Variants in GRIP2 observed in about 807,000 individuals in gnomAD.
The protein encoded by GRIP2 is glutamate receptor-interacting protein 2.
Under a neutral mutation model 108.3 loss-of-function variants are expected in GRIP2, and 58 were observed. The observed-to-expected ratio is 0.54, with a 90% confidence interval of 0.43 to 0.67. GRIP2 has a LOEUF of 0.67. GRIP2 is among the 30% of genes least tolerant of loss of function. The probability of loss-of-function intolerance (pLI) is 0.00; values close to 1 mark genes in which losing one functional copy is unlikely to be tolerated. For synonymous variants in GRIP2, 586 were observed against 598.2 expected (o/e 0.98, Z 0.30); for missense variants, 1,278 against 1,430.6 (o/e 0.89, Z 1.72).
Position 14,522,638 on chromosome 3 carries a change from G to A in GRIP2, c.566+362C>T, listed in dbSNP as rs550460762. On this transcript the variant is annotated intron_variant, in intron 6 of 23. Transcript: ENST00000621039. The surrounding 1 kb of genome is among the most constrained non-coding windows in gnomAD (Gnocchi z 4.3). ...GGACCCAGGAGACTGAGTCACAGAC[G>A]GCTACAGCAGTGGCCAATCAGCGTG... 3.7e-5 allele frequency: 8 copies of A among 218,020 alleles called. No individual in the cohort carries two copies. The highest frequency in any genetic ancestry group is 1.4e-4 in the East Asian group (1 of 7,016). The allele number at this position is 218,020 out of a possible 1,614,324, so 13.5% of individuals were successfully genotyped here.
Position 14,554,841 on chromosome 3 carries a change from AG to A in GRIP2, c.55+1058del, listed in dbSNP as rs576291277. On this transcript the variant is annotated intron_variant, in intron 1 of 23. Transcript: ENST00000637182. ...GCACAATCAGAATGAGGATGGGACC[AG>A]CCTTGCAGGGCCACTGTGAGGAATG... 5.9e-5 allele frequency among the ~76,000 whole-genome samples: 9 copies of A among 152,318 alleles called. No individual in the cohort carries two copies. In the East Asian group the frequency reaches 1.7e-3, roughly 29 times the overall value.
chr3:14,521,846 T>C lies in GRIP2; in HGVS notation c.567-59A>G. On this transcript the variant is annotated intron_variant, in intron 6 of 23. Transcript: ENST00000621039. This position sits in a 1 kb window ranked among gnomAD's most constrained non-coding sequence, Gnocchi z 5.1. ...GCAGCAGCACTGGGCACAGCCTGTCTGGGAGGGCGCTGGGAAGCGGGACAT... is the reference window on the plus strand; with the variant it reads ...GCAGCAGCACTGGGCACAGCCTGTCCGGGAGGGCGCTGGGAAGCGGGACAT... The C allele has an allele frequency of 7.0e-7, 1 of 1,430,014 alleles. No homozygotes were observed. Among genetic ancestry groups the C allele is most frequent in the Non-Finnish European group, 9.2e-7 (1 of 1,083,624 alleles). 88.6% of individuals were successfully genotyped at this position (1,430,014 alleles called of 1,614,324 possible).
At chr3:14,574,510 T>C in the GRIP2 span, 2 of 736,256 alleles carry the variant, frequency 2.7e-6, no homozygotes, top group Admixed American at 3.6e-5. Context: ...GCCCTGCCAG[T>C]GAGGTACTCC....
chr3:14,524,682 C>T (rs1694506507), intron 3 of GRIP2, 144 bp from the exon 4 acceptor site: 1 of 923,856 alleles, frequency 1.1e-6, no homozygotes, highest in African/African-American at 1.7e-5. Context: ...AGAGGTCAGA[C>T]AGTTGTCCAG....
At chr3:14,547,859 C>T (rs1262241011) in intron 1 of GRIP2, among the ~76,000 whole-genome samples, 1 of 152,208 alleles carries the variant, frequency 6.6e-6, no homozygotes, top group Non-Finnish European at 1.5e-5. Context: ...CTGCCCTGTC[C>T]TAGAGAATGT....
intron 20 of GRIP2, 32 bp from the exon 21 acceptor site, chr3:14,503,703 C>T: frequency 2.8e-6 from 1 of 358,688 alleles, no homozygotes; most frequent in Non-Finnish European, 5.5e-6. Context: ...GCGTCAACTC[C>T]TGGCAGGCGG....
chr3:14,564,102 G>A, the GRIP2 span, among the ~76,000 whole-genome samples: 3 of 152,242 alleles, frequency 2.0e-5, no homozygotes, highest in South Asian at 2.1e-4. Flanking sequence ...AGACAATCCC[G>A]AGCCAAGAAA....
the GRIP2 span, among the ~76,000 whole-genome samples, chr3:14,595,984 G>A: frequency 5.9e-5 from 9 of 152,372 alleles, 1 homozygote; most frequent in Middle Eastern, 6.8e-3. Context: ...CTGCCCCCAT[G>A]AGGCTCTATA....
chr3:14,554,764 G>C (rs534162970), intron 1 of GRIP2, among the ~76,000 whole-genome samples: 1 of 152,210 alleles, frequency 6.6e-6, no homozygotes, highest in African/African-American at 2.4e-5. Flanking sequence ...TGAGTCAGCT[G>C]TTTGGCCTTA....
At chr3:14,545,881 T>C (rs1254893911), upstream of GRIP2, among the ~76,000 whole-genome samples, 1 of 152,120 alleles carries the variant, frequency 6.6e-6, no homozygotes, top group Non-Finnish European at 1.5e-5. Flanking sequence ...GTTTCAGCAG[T>C]GAACAGAGCA....
At chr3:14,571,305 T>C in the GRIP2 span, among the ~76,000 whole-genome samples, 32 of 152,252 alleles carry the variant, frequency 2.1e-4, no homozygotes, top group African/African-American at 7.7e-4. Context: ...TTTGCAACCC[T>C]GGTGTCACCC....
At chr3:14,573,861 G>A in the GRIP2 span, 2 of 1,343,820 alleles carry the variant, frequency 1.5e-6, no homozygotes, top group Non-Finnish European at 2.1e-6. Context: ...CAGCATGGGC[G>A]AGCACTCCTC....
intron 1 of GRIP2, among the ~76,000 whole-genome samples, chr3:14,551,678 T>A (rs1357925881): frequency 1.3e-5 from 2 of 152,108 alleles, no homozygotes; most frequent in Admixed American, 1.3e-4. Flanking sequence ...AGTGGCCACA[T>A]GTTGGGAATA....
Position 14,521,837 on chromosome 3 carries a change from C to T in GRIP2, c.567-50G>A, listed in dbSNP as rs556661752. The T allele has an allele frequency of 1.0e-5, 15 of 1,500,498 alleles. No homozygotes were observed. In the South Asian group the frequency reaches 1.7e-4, roughly 17 times the overall value. The allele number at this position is 1,500,498 out of a possible 1,614,324, so 92.9% of individuals were successfully genotyped here. A position where few individuals can be genotyped will look rare whatever the true frequency, so the allele number is the denominator to read the frequency against. On this transcript the variant is annotated intron_variant, in intron 6 of 23. Transcript: ENST00000621039. The surrounding 1 kb of genome is among the most constrained non-coding windows in gnomAD (Gnocchi z 5.1). ...CCTGGCCCGGCAGCAGCACTGGGCA[C>T]AGCCTGTCTGGGAGGGCGCTGGGAA... is the stretch of plus-strand genomic sequence containing the variant.
At chr3:14,595,404 C>T in the GRIP2 span, among the ~76,000 whole-genome samples, 52 of 152,178 alleles carry the variant, frequency 3.4e-4, 1 homozygote, top group Non-Finnish European at 1.0e-4. Context: ...TCAGCCCCTC[C>T]CCCACACCCA....
the GRIP2 span, among the ~76,000 whole-genome samples, chr3:14,595,488 G>A: frequency 7.9e-5 from 12 of 152,076 alleles, no homozygotes; most frequent in South Asian, 2.1e-4. Context: ...AAAATTAGAC[G>A]CACACAGCAT....
rs1694118212 is a variant in GRIP2 at position 14,512,240 on chromosome 3, G to C, written c.1720+537C>G. Among the ~76,000 whole-genome samples the C allele has an allele frequency of 6.6e-6, 1 of 152,158 alleles. No individual in the cohort carries two copies. The highest frequency in any genetic ancestry group is 1.5e-5 in the Non-Finnish European group (1 of 68,028). ...GGGAGAGTCGGGAGATGAGGTCAGAGGTCATGGGGTCCAGAGCACAGAGGG... is the reference window on the plus strand; with the variant it reads ...GGGAGAGTCGGGAGATGAGGTCAGACGTCATGGGGTCCAGAGCACAGAGGG... On this transcript the variant is annotated intron_variant, in intron 14 of 23. Transcript: ENST00000621039. This position sits in a 1 kb window ranked among gnomAD's most constrained non-coding sequence, Gnocchi z 5.1.
the GRIP2 span, among the ~76,000 whole-genome samples, chr3:14,577,095 T>C: frequency 6.6e-6 from 1 of 152,220 alleles, no homozygotes. Flanking sequence ...CGGCTCCAAT[T>C]CTCTCCCTTC....
the GRIP2 span, among the ~76,000 whole-genome samples, chr3:14,569,740 C>T: frequency 1.3e-5 from 2 of 152,294 alleles, no homozygotes; most frequent in Non-Finnish European, 2.9e-5. Flanking sequence ...CTCTGCGCTA[C>T]ACCCTTTATA....
Sources: gnomAD v4.1 joint callset for allele counts (sites outside exome capture counted in the v4.1 genomes callset) on GRCh38, gnomAD v4.1.1 for gene constraint, Gnocchi (gnomAD v3.1) non-coding constraint, MANE v1.5 for transcripts, NCBI Gene and HGNC (gene_info 2026-07-23, HGNC 2026-07-21) for gene names.